The following HDAC9 variants were observed in gnomAD, a reference collection of about 807,000 sequenced individuals.
The protein encoded by HDAC9 is MEF-2 interacting transcription repressor (MITR) protein.
A neutral mutation model predicts 139.4 loss-of-function variants in HDAC9; 41 were observed. The ratio of observed to expected loss-of-function variants is 0.29; its 90% CI spans 0.23 to 0.38. HDAC9 has a LOEUF of 0.38. Among genes scored for constraint, HDAC9 ranks in the 10% least tolerant of loss-of-function variants. The probability of loss-of-function intolerance (pLI) is 1.00; values close to 1 mark genes in which losing one functional copy is unlikely to be tolerated. For synonymous variants in HDAC9, 517 were observed against 476.2 expected (o/e 1.09, Z -1.12); for missense variants, 1,147 against 1,297.0 (o/e 0.88, Z 1.78).
intron 2 of HDAC9, among the ~76,000 whole-genome samples, chr7:18,225,138 A>T (rs540322460): frequency 6.6e-6 from 1 of 152,302 alleles, no homozygotes; most frequent in East Asian, 1.9e-4. Flanking sequence ...AGATTTCTTC[A>T]TAGAACATTA....
At chr7:18,706,614 T>C (rs1042863685) in intron 12 of HDAC9, among the ~76,000 whole-genome samples, 4 of 152,190 alleles carry the variant, frequency 2.6e-5, no homozygotes, top group Non-Finnish European at 5.9e-5. Context: ...GTTCTCAACC[T>C]GGGAGGACTT....
At chr7:18,176,720 G>A (rs137958784) in intron 2 of HDAC9, among the ~76,000 whole-genome samples, 27 of 152,228 alleles carry the variant, frequency 1.8e-4, no homozygotes, top group South Asian at 1.2e-3. Context: ...GTGTCACAGG[G>A]CTTTGGTGTA....
At chr7:18,297,849 G>T (rs562776352) in intron 1 of HDAC9, among the ~76,000 whole-genome samples, 26 of 152,228 alleles carry the variant, frequency 1.7e-4, no homozygotes, top group African/African-American at 6.3e-4. Flanking sequence ...ATAAGAAGTT[G>T]GTCTGGATAA....
At chr7:18,738,494 G>T (rs934049143) in intron 13 of HDAC9, among the ~76,000 whole-genome samples, 9 of 152,100 alleles carry the variant, frequency 5.9e-5, no homozygotes, top group African/African-American at 1.9e-4. Context: ...ATGTATAATG[G>T]ATTTTATTTC....
At chr7:18,817,556 T>A (rs139498244) in intron 17 of HDAC9, among the ~76,000 whole-genome samples, 1 of 152,352 alleles carries the variant, frequency 6.6e-6, no homozygotes, top group African/African-American at 2.4e-5. Flanking sequence ...TCTGATTTCT[T>A]GACCTCTGTA....
chr7:18,517,885 A>G (rs967119719), intron 2 of HDAC9: 3 of 152,212 alleles, frequency 2.0e-5, no homozygotes, highest in East Asian at 3.8e-4. Context: ...TGAAGTAGTA[A>G]TTGGAATGAC....
intron 1 of HDAC9, chr7:18,428,940 T>C (rs1790376313): frequency 6.6e-6 from 1 of 152,344 alleles, no homozygotes; most frequent in Admixed American, 6.5e-5. Context: ...TCTCCAGATA[T>C]CTGTGTAGCT....
In HDAC9 at chr7:18,466,040, G is replaced by A. The variant is rs74486309; in HGVS notation, c.-41-30222G>A. Among the ~76,000 whole-genome samples the A allele has an allele frequency of 7.8e-3, 1,188 of 152,246 alleles. 14 individuals carry two copies. Among genetic ancestry groups the A allele is most frequent in the African/African-American group, 0.027 (1,125 of 41,540 alleles). Reference sequence around the variant, plus strand: ...GTGGGGCACATTGGCTATGTTCTTTGCTGGAGGCTATAAGGGAGAAATCAG... The same window carrying A: ...GTGGGGCACATTGGCTATGTTCTTTACTGGAGGCTATAAGGGAGAAATCAG... On this transcript the variant is annotated intron_variant, in intron 1 of 3. Coordinates refer to the HDAC9 transcript ENST00000413509.
intron 1 of HDAC9, among the ~76,000 whole-genome samples, chr7:18,126,480 C>T (rs1055155095): frequency 3.9e-5 from 6 of 152,120 alleles, no homozygotes; most frequent in African/African-American, 1.4e-4. Context: ...TAATTAGCAG[C>T]TAAGAGCTTT....
At chr7:18,596,259 A>C (rs1018903350) in intron 6 of HDAC9, among the ~76,000 whole-genome samples, 34 of 152,106 alleles carry the variant, frequency 2.2e-4, no homozygotes, top group Non-Finnish European at 5.0e-4. Flanking sequence ...AGAGGTTTTA[A>C]AATATTCCTT....
At position 18,349,574 on chromosome 7, in the gene HDAC9, G is replaced by T. The variant is rs371915713; in HGVS notation, c.-42+59059G>T. 7.9e-5 allele frequency among the ~76,000 whole-genome samples: 12 copies of T among 151,802 alleles called. No individual in the cohort carries two copies. The East Asian group carries it at 1.4e-3, about 17-fold the overall frequency. ...ATATTTGATTCTCAAACATTGAATT[G>T]GGGGACATATCTGATATTCTTTATG... On this transcript the variant is annotated intron_variant, in intron 1 of 3. Coordinates refer to the HDAC9 transcript ENST00000413509.
intron 6 of HDAC9, among the ~76,000 whole-genome samples, chr7:18,613,114 A>C (rs1837623479): frequency 6.8e-6 from 1 of 148,122 alleles, no homozygotes; most frequent in African/African-American, 2.4e-5. Flanking sequence ...AAATATATAT[A>C]AGTATAATAT....
At chr7:18,248,831 C>T (rs1794732967) in intron 2 of HDAC9, among the ~76,000 whole-genome samples, 2 of 152,288 alleles carry the variant, frequency 1.3e-5, no homozygotes, top group East Asian at 3.9e-4. Flanking sequence ...TTCATTCATT[C>T]AGCGATTTAT....
intron 6 of HDAC9, 123 bp downstream of exon 6, chr7:18,594,152 GC>G: frequency 2.2e-6 from 2 of 890,448 alleles, no homozygotes; most frequent in Non-Finnish European, 3.5e-6. Flanking sequence ...CCCCACCCCT[GC>G]CCCCAGCATA....
At chr7:18,769,983 A>G (rs546295662) in intron 16 of HDAC9, among the ~76,000 whole-genome samples, 52 of 152,150 alleles carry the variant, frequency 3.4e-4, no homozygotes, top group Non-Finnish European at 5.9e-4. Context: ...TAGAATATAT[A>G]ACTTCATTCT....
In HDAC9 at chr7:18,962,498, C is replaced by T. The variant is rs551455598; in HGVS notation, c.3022+8268C>T. Among the ~76,000 whole-genome samples, 85 of 152,264 alleles carry T rather than the reference C, an allele frequency of 5.6e-4. 1 individual carries two copies. In the South Asian group the frequency reaches 0.017, roughly 31 times the overall value. ...GAAAAGTCTGCCATCTGCTATGAGA[C>T]ACAGTTTTGGGGGGTATTTTTTATT... is the stretch of plus-strand genomic sequence containing the variant. On this transcript the variant is annotated intron_variant, in intron 24 of 25. Coordinates refer to ENST00000686413, the MANE Select transcript of HDAC9 (RefSeq NM_178425.4).
chr7:18,563,481 T>A (rs572041418), intron 2 of HDAC9, among the ~76,000 whole-genome samples: 1 of 152,192 alleles, frequency 6.6e-6, no homozygotes, highest in Non-Finnish European at 1.5e-5. Context: ...CCATTTTCCA[T>A]CCCCTAATAT....
At chr7:18,184,013 A>G (rs1789712526) in intron 2 of HDAC9, among the ~76,000 whole-genome samples, 1 of 152,188 alleles carries the variant, frequency 6.6e-6, no homozygotes, top group Non-Finnish European at 1.5e-5. Context: ...GTTACCTGTT[A>G]TTGCATGTTG....
At chr7:18,559,284 A>G (rs1166025366) in intron 2 of HDAC9, among the ~76,000 whole-genome samples, 1 of 152,002 alleles carries the variant, frequency 6.6e-6, no homozygotes, top group African/African-American at 2.4e-5. Flanking sequence ...CACACAATAC[A>G]TACACACACC....
Sources: gnomAD v4.1 joint callset for allele counts (sites outside exome capture counted in the v4.1 genomes callset) on GRCh38, gnomAD v4.1.1 for gene constraint, MANE v1.5 for transcripts, NCBI Gene and HGNC (gene_info 2026-07-23, HGNC 2026-07-21) for gene names.